EYS: variants seen among roughly 807,000 people sequenced by gnomAD.
EYS encodes protein eyes shut homolog.
In EYS, 250 loss-of-function variants were observed where a neutral mutation model predicts 282.1. The ratio of observed to expected loss-of-function variants is 0.89; its 90% CI spans 0.80 to 0.98. EYS has a LOEUF of 0.98. Ranked by LOEUF, EYS falls within the 50% of genes least tolerant of loss-of-function variation. EYS has a pLI of 0.00. For synonymous variants in EYS, 1,355 were observed against 1,282.9 expected (o/e 1.06, Z -1.20); for missense variants, 4,016 against 3,709.0 (o/e 1.08, Z -2.15).
At chr6:64,620,002 C>T (rs1460659996) in intron 23 of EYS, among the ~76,000 whole-genome samples, 1 of 152,088 alleles carries the variant, frequency 6.6e-6, no homozygotes, top group African/African-American at 2.4e-5. Context: ...AACATTAAGG[C>T]TGTGTTGGTC....
chr6:64,586,200 T>C (rs1766229029), intron 26 of EYS, among the ~76,000 whole-genome samples: 1 of 152,012 alleles, frequency 6.6e-6, no homozygotes, highest in South Asian at 2.1e-4. Context: ...AGTTCAGCCC[T>C]TTTGGCATTT....
chr6:64,600,919 C>T (rs114482185), intron 24 of EYS, among the ~76,000 whole-genome samples: 1 of 152,074 alleles, frequency 6.6e-6, no homozygotes, highest in Non-Finnish European at 1.5e-5. Flanking sequence ...TCTAATGTAG[C>T]TTTCATGTCT....
intron 29 of EYS, among the ~76,000 whole-genome samples, chr6:64,352,151 T>G (rs1426009186): frequency 1.3e-5 from 2 of 151,506 alleles, no homozygotes; most frequent in Admixed American, 1.3e-4. Context: ...TATGAAATAA[T>G]GAGTTAATGT....
intron 18 of EYS, among the ~76,000 whole-genome samples, chr6:64,899,408 A>G (rs776499779): frequency 3.9e-5 from 6 of 152,166 alleles, no homozygotes; most frequent in Non-Finnish European, 8.8e-5. Flanking sequence ...TCAAATAGGA[A>G]GAGAGAAAGT....
chr6:64,448,494 C>A lies in EYS; in HGVS notation c.5645-9142G>T, dbSNP rs146214242. 3.0e-3 allele frequency among the ~76,000 whole-genome samples: 454 copies of A among 152,344 alleles called. 3 individuals carry two copies. Among genetic ancestry groups the A allele is most frequent in the African/African-American group, 0.01 (424 of 41,598 alleles). The stretch of plus-strand genomic sequence containing the variant: ...AGACTTAAATGTCCCTGTCCGATAG[C>A]TTTGAAGAGAGTAGTGGTTCTCCCA... On this transcript the variant is annotated intron_variant, in intron 26 of 42. Transcript: ENST00000503581.
intron 12 of EYS, among the ~76,000 whole-genome samples, chr6:65,241,505 C>G (rs1767057526): frequency 6.6e-6 from 1 of 151,950 alleles, no homozygotes; most frequent in Non-Finnish European, 1.5e-5. Flanking sequence ...AAATCAAGAC[C>G]CACCTAATTT....
intron 33 of EYS, among the ~76,000 whole-genome samples, chr6:64,026,341 G>C (rs61386667): frequency 0.037 from 5,653 of 152,188 alleles, 339 homozygotes; most frequent in African/African-American, 0.13. Context: ...AAAACCATGG[G>C]CGGTTTTGTC....
chr6:64,510,568 C>T (rs145922253), intron 26 of EYS, among the ~76,000 whole-genome samples: 1 of 151,922 alleles, frequency 6.6e-6, no homozygotes, highest in Non-Finnish European at 1.5e-5. Context: ...ATCAAAAATA[C>T]CTCTGTATAA....
chr6:65,335,973 A>C (rs561470506), intron 10 of EYS, among the ~76,000 whole-genome samples: 1 of 151,696 alleles, frequency 6.6e-6, no homozygotes, highest in Admixed American at 6.6e-5. Flanking sequence ...AGTTCTCCTG[A>C]GATCTGGTTG....
chr6:64,501,269 T>C (rs1777033611), intron 26 of EYS, among the ~76,000 whole-genome samples: 1 of 152,032 alleles, frequency 6.6e-6, no homozygotes, highest in Admixed American at 6.6e-5. Flanking sequence ...GTCTATTCCA[T>C]TTACCTTGTG....
At chr6:64,160,220 A>G (rs932025147) in intron 31 of EYS, among the ~76,000 whole-genome samples, 2 of 152,200 alleles carry the variant, frequency 1.3e-5, no homozygotes, top group Admixed American at 6.5e-5. Context: ...TATGGGAACA[A>G]TCATTTTAAA....
intron 13 of EYS, among the ~76,000 whole-genome samples, chr6:65,010,418 C>T (rs139186905): frequency 0.074 from 11,261 of 152,262 alleles, 482 homozygotes; most frequent in African/African-American, 0.13. Flanking sequence ...GCCAGTGCTG[C>T]GACTGCGCAC....
chr6:65,442,238 C>T (rs961392394), intron 5 of EYS, among the ~76,000 whole-genome samples: 1 of 151,962 alleles, frequency 6.6e-6, no homozygotes, highest in African/African-American at 2.4e-5. Flanking sequence ...TGCTTTATTT[C>T]CTATCTAAAT....
intron 35 of EYS, among the ~76,000 whole-genome samples, chr6:63,918,813 G>C (rs902145960): frequency 1.2e-4 from 18 of 152,180 alleles, no homozygotes; most frequent in Non-Finnish European, 2.4e-4. Context: ...TGCTAAACAA[G>C]TGTAGCATTT....
intron 33 of EYS, among the ~76,000 whole-genome samples, chr6:64,011,550 TC>T (rs1768630460): frequency 6.6e-6 from 1 of 152,096 alleles, no homozygotes; most frequent in Non-Finnish European, 1.5e-5. Flanking sequence ...TATTTTTTTT[TC>T]CAGTGGTATA....
intron 12 of EYS, among the ~76,000 whole-genome samples, chr6:65,242,391 G>C (rs1251071265): frequency 6.6e-6 from 1 of 151,842 alleles, no homozygotes; most frequent in Non-Finnish European, 1.5e-5. Context: ...TGTTGTCTTT[G>C]TGACTGTCTT....
chr6:64,258,939 A>C (rs1006260511), intron 30 of EYS, among the ~76,000 whole-genome samples: 2 of 152,086 alleles, frequency 1.3e-5, no homozygotes, highest in African/African-American at 4.8e-5. Flanking sequence ...ATTTGGACTT[A>C]GAATTTCTCT....
chr6:64,010,482 A>C (rs1317772212), intron 33 of EYS, among the ~76,000 whole-genome samples: 1 of 151,648 alleles, frequency 6.6e-6, no homozygotes, highest in African/African-American at 2.4e-5. Context: ...TCCTTCATTT[A>C]TGCTTTCTAG....
intron 37 of EYS, among the ~76,000 whole-genome samples, chr6:63,800,934 CT>C (rs1770769147): frequency 1.3e-5 from 2 of 152,310 alleles, no homozygotes; most frequent in South Asian, 4.1e-4. Context: ...GTGGAACAGC[CT>C]GCACAGAAGT....
Sources: allele counts gnomAD v4.1 joint callset (sites outside exome capture counted in the v4.1 genomes callset), GRCh38; gene constraint gnomAD v4.1.1; transcripts MANE v1.5; gene names NCBI Gene and HGNC (gene_info 2026-07-23, HGNC 2026-07-21).